Variants in MSRA observed in about 807,000 individuals in gnomAD.
MSRA encodes methionine sulfoxide reductase A, also known as mitochondrial peptide methionine sulfoxide reductase.
Under a neutral mutation model 31.3 loss-of-function variants are expected in MSRA, and 54 were observed. The observed-to-expected ratio is 1.73, with a 90% CI of 1.39 to 2.17. MSRA has a LOEUF of 2.17. Ranked by LOEUF, MSRA falls within the 30% of genes most tolerant of loss-of-function variation. MSRA has a pLI of 0.00. For synonymous variants in MSRA, 169 were observed against 116.5 expected (o/e 1.45, Z -2.90); for missense variants, 507 against 300.9 (o/e 1.69, Z -5.07).
At chr8:10,241,438 A>G (rs1812403245) in intron 2 of MSRA, among the ~76,000 whole-genome samples, 1 of 152,178 alleles carries the variant, frequency 6.6e-6, no homozygotes, top group East Asian at 1.9e-4. Context: ...TATGTTTGTG[A>G]TGATGTTTAA....
chr8:10,101,760 G>A (rs1356866230), intron 1 of MSRA, among the ~76,000 whole-genome samples: 1 of 152,174 alleles, frequency 6.6e-6, no homozygotes, highest in Non-Finnish European at 1.5e-5. Flanking sequence ...TGTATGGACA[G>A]ACCACATTTT....
At chr8:10,378,632 C>T (rs142838467) in intron 5 of MSRA, among the ~76,000 whole-genome samples, 1 of 152,200 alleles carries the variant, frequency 6.6e-6, no homozygotes, top group African/African-American at 2.4e-5. Flanking sequence ...CTCAGCAGCT[C>T]CGCGTCCCTT....
At chr8:10,303,579 T>C (rs1050531056) in intron 4 of MSRA, among the ~76,000 whole-genome samples, 2 of 152,316 alleles carry the variant, frequency 1.3e-5, no homozygotes, top group African/African-American at 4.8e-5. Context: ...TCTCCCCAGC[T>C]GAATTCAGAG....
At chr8:10,223,424 C>A (rs1445118343) in intron 2 of MSRA, among the ~76,000 whole-genome samples, 1 of 152,212 alleles carries the variant, frequency 6.6e-6, no homozygotes, top group Non-Finnish European at 1.5e-5. Context: ...TGAAGTACAT[C>A]AGCATTTGCG....
At chr8:10,311,648 C>T (rs554491679) in intron 4 of MSRA, among the ~76,000 whole-genome samples, 2 of 152,162 alleles carry the variant, frequency 1.3e-5, no homozygotes, top group East Asian at 1.9e-4. Flanking sequence ...CATTATGGCT[C>T]ACGTCTGTAA....
chr8:10,199,653 G>T (rs2129056701), intron 1 of MSRA, among the ~76,000 whole-genome samples: 1 of 152,168 alleles, frequency 6.6e-6, no homozygotes, highest in African/African-American at 2.4e-5. Context: ...CACACTAGTG[G>T]GCTTGTGCAC....
chr8:10,103,892 C>T (rs976699427), intron 1 of MSRA, among the ~76,000 whole-genome samples: 7 of 151,992 alleles, frequency 4.6e-5, no homozygotes, highest in Non-Finnish European at 8.8e-5. Context: ...CTCTCTCTCA[C>T]GTCTGAAATT....
At chr8:10,156,931 C>G (rs1216317777) in intron 1 of MSRA, among the ~76,000 whole-genome samples, 2 of 149,986 alleles carry the variant, frequency 1.3e-5, no homozygotes, top group Non-Finnish European at 2.9e-5. Context: ...CAATACCTGT[C>G]ATTTATGAAG....
chr8:10,153,169 C>T (rs1370565027), intron 1 of MSRA, among the ~76,000 whole-genome samples: 1 of 152,086 alleles, frequency 6.6e-6, no homozygotes, highest in Non-Finnish European at 1.5e-5. Flanking sequence ...GTGTCTTTCA[C>T]CACAATTACA....
At chr8:10,211,912 A>C (rs2129061919) in intron 2 of MSRA, among the ~76,000 whole-genome samples, 1 of 152,350 alleles carries the variant, frequency 6.6e-6, no homozygotes, top group African/African-American at 2.4e-5. Context: ...ATAGTCAAGA[A>C]GATGGGTAAT....
chr8:10,231,126 G>A (rs1322263443), intron 2 of MSRA, among the ~76,000 whole-genome samples: 1 of 152,124 alleles, frequency 6.6e-6, no homozygotes, highest in East Asian at 1.9e-4. Flanking sequence ...AGGTTTGAAA[G>A]TGCATGAGAT....
chr8:10,423,513 G>A (rs1296713235), intron 5 of MSRA, among the ~76,000 whole-genome samples: 2 of 152,104 alleles, frequency 1.3e-5, no homozygotes, highest in Non-Finnish European at 2.9e-5. Context: ...GGGTGGGGCG[G>A]GGAGGGGGGG....
At chr8:10,285,679 C>G (rs1468613129) in intron 3 of MSRA, among the ~76,000 whole-genome samples, 1 of 151,908 alleles carries the variant, frequency 6.6e-6, no homozygotes, top group African/African-American at 2.4e-5. Flanking sequence ...CTGGTAACCA[C>G]TCTACTCTCT....
intron 2 of MSRA, among the ~76,000 whole-genome samples, chr8:10,210,552 A>C (rs1215489455): frequency 6.6e-6 from 1 of 152,166 alleles, no homozygotes; most frequent in Admixed American, 6.5e-5. Context: ...AAGATCTCCT[A>C]CGGCTATCAT....
At position 10,358,336 on chromosome 8, in the gene MSRA, C is replaced by T. The variant is rs181625653; in HGVS notation, c.543+38347C>T. Among the ~76,000 whole-genome samples the T allele has an allele frequency of 2.6e-5, 4 of 152,328 alleles. No individual in the cohort carries two copies. The East Asian group carries it at 7.7e-4, about 29-fold the overall frequency. On this transcript the variant is annotated intron_variant, in intron 5 of 5. Transcript: ENST00000317173. ...AACAATAATAAGAGCGCTATACCAT[C>T]AGTGATGATTACTGAAAACAGTTAA...
intron 1 of MSRA, among the ~76,000 whole-genome samples, chr8:10,148,730 A>AG (rs1460543758): frequency 7.2e-6 from 1 of 139,132 alleles, no homozygotes; most frequent in Non-Finnish European, 1.6e-5. Context: ...TGAACCCAGG[A>AG]GGTCAGGGCT....
At chr8:10,148,392 A>G (rs913686190) in intron 1 of MSRA, among the ~76,000 whole-genome samples, 1 of 151,836 alleles carries the variant, frequency 6.6e-6, no homozygotes, top group African/African-American at 2.4e-5. Context: ...TCATGCCTGT[A>G]ATCCCAGCAC....
chr8:10,340,152 C>T (rs961778189), intron 5 of MSRA, among the ~76,000 whole-genome samples: 5 of 152,152 alleles, frequency 3.3e-5, no homozygotes, highest in African/African-American at 1.2e-4. Context: ...GGAGCCACAG[C>T]CGCCCATTCC....
At chr8:10,201,741 T>A (rs972140707) in intron 1 of MSRA, among the ~76,000 whole-genome samples, 3 of 152,264 alleles carry the variant, frequency 2.0e-5, no homozygotes, top group African/African-American at 7.2e-5. Flanking sequence ...CCCTTCAACA[T>A]CCAGAAGTTG....
Sources: allele counts gnomAD v4.1 joint callset (sites outside exome capture counted in the v4.1 genomes callset), GRCh38; gene constraint gnomAD v4.1.1; transcripts MANE v1.5; gene names NCBI Gene and HGNC (gene_info 2026-07-23, HGNC 2026-07-21).